Variants in GLI2 observed in about 807,000 individuals in gnomAD.
The protein encoded by GLI2 is transcription activator GLI2.
In GLI2, 22 loss-of-function variants were observed where a neutral mutation model predicts 78.9. The ratio of observed to expected loss-of-function variants is 0.28; its 90% confidence interval spans 0.20 to 0.40. GLI2 has a LOEUF of 0.40. Ranked by LOEUF, GLI2 falls within the 10% of genes least tolerant of loss-of-function variation. The pLI, the probability that GLI2 is intolerant of heterozygous loss-of-function variation, is 1.00. For missense variants in GLI2, 2,097 were observed against 2,213.2 expected (o/e 0.95, Z 1.05); for synonymous variants, 974 against 963.7 (o/e 1.01, Z -0.20).
chr2:120,781,125 G>C (rs1001292336), intron 1 of GLI2, among the ~76,000 whole-genome samples: 2 of 152,246 alleles, frequency 1.3e-5, no homozygotes, highest in African/African-American at 4.8e-5. Flanking sequence ...TTCTGGGCCT[G>C]GTGGGAGGCT....
intron 2 of GLI2, among the ~76,000 whole-genome samples, chr2:120,923,461 C>T (rs1482123688): frequency 6.6e-6 from 1 of 151,940 alleles, no homozygotes; most frequent in African/African-American, 2.4e-5. Context: ...GCACATACAA[C>T]AACACACACA....
chr2:120,955,135 G>C, intron 4 of GLI2, 110 bp from the exon 5 acceptor site: 3 of 743,250 alleles, frequency 4.0e-6, no homozygotes, highest in Non-Finnish European at 7.0e-6. Flanking sequence ...CCGACACCAG[G>C]TGTGCATTTC....
intron 1 of GLI2, among the ~76,000 whole-genome samples, chr2:120,756,332 TTG>T (rs1337499057): frequency 2.0e-5 from 3 of 152,270 alleles, no homozygotes; most frequent in African/African-American, 7.2e-5. Flanking sequence ...TTTGATACTG[TTG>T]TGTTATTTTA....
chr2:120,988,977 C>T lies in GLI2; in HGVS notation c.3012C>T (p.Arg1004=). The T allele has an allele frequency of 6.4e-7, 1 of 1,564,310 alleles. No individual in the cohort carries two copies. The change falls in exon 14 of 14, where the codon CGC becomes CGT. Residue 1004 remains arginine, a synonymous_variant. Transcript: ENST00000361492. ...CGAGCACCGACGGCGGCCTGGCCCG[C>T]GGCGCCTACTCGCCCCGGCCGCCTA... ...SHPSTDGGLA[R]GAYSPRPPSI... is the part of the protein sequence containing the mutation.
At chr2:120,854,482 G>A (rs965318856) in intron 2 of GLI2, among the ~76,000 whole-genome samples, 1 of 152,204 alleles carries the variant, frequency 6.6e-6, no homozygotes, top group Non-Finnish European at 1.5e-5. Flanking sequence ...TGTGTGAGCA[G>A]TCCCCTCCCC....
intron 2 of GLI2, among the ~76,000 whole-genome samples, chr2:120,866,192 G>A (rs991196381): frequency 2.0e-5 from 3 of 152,226 alleles, no homozygotes; most frequent in African/African-American, 7.2e-5. Flanking sequence ...AGAGGGTGTT[G>A]GGGATAGGGT....
At position 120,871,387 on chromosome 2, in the gene GLI2, G is replaced by A. The variant is rs1342790085; in HGVS notation, c.149-55974G>A. ...CGGGAGCTGGCTGATGTTGAGAAAC[G>A]GAGATGAGACTTCAGGGCTGGAAAA... On this transcript the variant is annotated intron_variant, in intron 2 of 13. Transcript: ENST00000361492. 2.0e-5 allele frequency among the ~76,000 whole-genome samples: 3 copies of A among 152,216 alleles called. No individual in the cohort carries two copies. In the East Asian group the frequency reaches 5.8e-4, roughly 29 times the overall value.
intron 2 of GLI2, among the ~76,000 whole-genome samples, chr2:120,908,184 C>G (rs1232103310): frequency 6.6e-6 from 1 of 152,176 alleles, no homozygotes; most frequent in South Asian, 2.1e-4. Context: ...GGCCTGTCAC[C>G]CAGGGGTGAC....
intron 2 of GLI2, among the ~76,000 whole-genome samples, chr2:120,922,145 A>G (rs1679408203): frequency 6.6e-6 from 1 of 152,208 alleles, no homozygotes; most frequent in Non-Finnish European, 1.5e-5. Flanking sequence ...CAGGGCCTAG[A>G]ACAGTGCCTG....
intron 2 of GLI2, among the ~76,000 whole-genome samples, chr2:120,857,574 C>A (rs1367686557): frequency 6.7e-6 from 1 of 148,546 alleles, no homozygotes; most frequent in Non-Finnish European, 1.5e-5. Context: ...TCCATCCATC[C>A]ACCCACCCAT....
rs1686843673 is a variant in GLI2 at position 120,841,020 on chromosome 2, T to A, written c.148+43552T>A. ...GCTGAAATGTGCATCTAAACAGATGTTCATTCTGTTTATTGAGCTGGAGGG... is the reference window on the plus strand; with the variant it reads ...GCTGAAATGTGCATCTAAACAGATGATCATTCTGTTTATTGAGCTGGAGGG... On this transcript the variant is annotated intron_variant, in intron 2 of 13. Coordinates refer to ENST00000361492, the MANE Select transcript of GLI2 (RefSeq NM_001374353.1). Among the ~76,000 whole-genome samples the A allele has an allele frequency of 2.0e-5, 3 of 152,190 alleles. No individual in the cohort carries two copies. In the South Asian group the frequency reaches 6.2e-4, roughly 31 times the overall value.
chr2:120,937,367 C>T (rs530201133), intron 3 of GLI2, among the ~76,000 whole-genome samples: 1 of 152,236 alleles, frequency 6.6e-6, no homozygotes, highest in Admixed American at 6.5e-5. Context: ...GCATTGCACC[C>T]ACTAATTTCT....
At chr2:120,960,922 A>G (rs952945899) in intron 5 of GLI2, among the ~76,000 whole-genome samples, 2 of 152,258 alleles carry the variant, frequency 1.3e-5, no homozygotes, top group African/African-American at 4.8e-5. Flanking sequence ...GCAGGAAGAC[A>G]GGAGCGCTGC....
At chr2:120,955,153 CTTTTTTTTTTTTTT>C (rs869202442) in intron 4 of GLI2, 78 bp from the exon 5 acceptor site, 15 of 147,088 alleles carry the variant, frequency 1.0e-4, no homozygotes, top group African/African-American at 4.4e-4. Flanking sequence ...TTCTCTCTGC[CTTTTTTTTTTTTTT>C]TTTTTTTTTT....
At chr2:120,780,260 A>T (rs1683804752) in intron 1 of GLI2, among the ~76,000 whole-genome samples, 1 of 152,166 alleles carries the variant, frequency 6.6e-6, no homozygotes, top group South Asian at 2.1e-4. Flanking sequence ...AGATGAGCAG[A>T]TGTCTTGAGA....
At chr2:120,876,772 T>C (rs1436061638) in intron 2 of GLI2, among the ~76,000 whole-genome samples, 3 of 152,054 alleles carry the variant, frequency 2.0e-5, no homozygotes, top group Non-Finnish European at 4.4e-5. Flanking sequence ...AGGCCGCCCA[T>C]GTCAGGGTCA....
At chr2:120,771,219 C>T (rs1230068442) in intron 1 of GLI2, among the ~76,000 whole-genome samples, 4 of 152,224 alleles carry the variant, frequency 2.6e-5, no homozygotes, top group African/African-American at 9.6e-5. Context: ...GGCAGCAGCT[C>T]AGGCAGGACC....
chr2:120,846,317 G>A (rs1176149827), intron 2 of GLI2, among the ~76,000 whole-genome samples: 1 of 152,202 alleles, frequency 6.6e-6, no homozygotes, highest in East Asian at 1.9e-4. Context: ...CTCTGTTTCT[G>A]GCTGCTCAGC....
intron 1 of GLI2, among the ~76,000 whole-genome samples, chr2:120,791,923 G>A (rs1397492810): frequency 5.3e-5 from 8 of 152,148 alleles, no homozygotes; most frequent in Non-Finnish European, 1.0e-4. Flanking sequence ...GTGAGTGTGT[G>A]AGCCTGCGTG....
Sources: gnomAD v4.1 joint callset for allele counts (sites outside exome capture counted in the v4.1 genomes callset) on GRCh38, gnomAD v4.1.1 for gene constraint, MANE v1.5 for transcripts, NCBI Gene and HGNC (gene_info 2026-07-23, HGNC 2026-07-21) for gene names.